The following ZNF763 variants were observed in gnomAD, a reference collection of about 807,000 sequenced individuals.
ZNF763 encodes the protein DNA-binding protein.
In ZNF763, 33 loss-of-function variants were observed where a neutral mutation model predicts 38.0. The ratio of observed to expected loss-of-function variants is 0.87; its 90% CI spans 0.66 to 1.16. The LOEUF is 1.16. Among genes scored for constraint, ZNF763 ranks in the 50% most tolerant of loss-of-function variants. The probability of loss-of-function intolerance (pLI) is 0.00; values close to 1 mark genes in which losing one functional copy is unlikely to be tolerated. For missense variants in ZNF763, 423 were observed against 469.1 expected (o/e 0.90, Z 0.91); for synonymous variants, 155 against 160.1 (o/e 0.97, Z 0.24).
rs758599967 is a variant in ZNF763 at position 11,978,835 on chromosome 19, G to T, written c.911G>T (p.Arg304Ile). The change falls in exon 4 of 4, where the codon AGA becomes ATA. Residue 304 changes from arginine (R) to isoleucine (I), a missense_variant. Physicochemically the swap from Arg to Ile is moderately conservative, Grantham distance 97 (BLOSUM62 -3). Transcript: ENST00000358987. ...SWCHSFQIHE[R>I]THTGEKPCEC... ...TGTCATTCCTTTCAAATACATGAAA[G>T]AACTCACACTGGGGAGAAGCCCTGT... The T allele has an allele frequency of 1.2e-6, 2 of 1,614,170 alleles. No individual in the cohort carries two copies. Among genetic ancestry groups the T allele is most frequent in the East Asian group, 2.2e-5 (1 of 44,872 alleles).
chr19:11,972,970 A>G (rs2145333374), intron 1 of ZNF763, among the ~76,000 whole-genome samples: 1 of 152,324 alleles, frequency 6.6e-6, no homozygotes, highest in African/African-American at 2.4e-5. Flanking sequence ...TGTGTGTAGT[A>G]TATCCCACAA....
In ZNF763 at chr19:11,980,047, C is replaced by T. The variant is rs1973587566; in HGVS notation, c.*938C>T. ...CTTTTCGATAACATGAAAGGACTCA[C>T]ACTGGAGAGAAACCCTATGAGTGTA... On this transcript the variant is annotated 3_prime_UTR_variant, in exon 4 of 4. Transcript: ENST00000358987. 3 of 1,096,584 alleles carry T rather than the reference C, an allele frequency of 2.7e-6. No homozygotes were observed. In the South Asian group the frequency reaches 3.7e-5, roughly 14 times the overall value. The allele number at this position is 1,096,584 out of a possible 1,614,324, so 67.9% of individuals were successfully genotyped here. A position where few individuals can be genotyped will look rare whatever the true frequency, so the allele number is the denominator to read the frequency against.
At chr19:11,974,075 T>TTC (rs1491556053) in intron 1 of ZNF763, among the ~76,000 whole-genome samples, 1 of 66,180 alleles carries the variant, frequency 1.5e-5, no homozygotes, top group Admixed American at 1.5e-4. Flanking sequence ...TTTCTTTTCT[T>TTC]TCTTTCTTTC....
Position 11,978,138 on chromosome 19 carries a change from A to G in ZNF763, c.214A>G (p.Asn72Asp). 6.2e-7 allele frequency: 1 copy of G among 1,613,236 alleles called. No homozygotes were observed. The highest frequency in any genetic ancestry group is 8.5e-7 in the Non-Finnish European group (1 of 1,179,850). The change falls in exon 4 of 4, where the codon AAT becomes GAT. Residue 72 changes from asparagine to aspartate, a missense_variant. Coordinates refer to ENST00000358987, the MANE Select transcript of ZNF763 (RefSeq NM_001367172.2). ...CAGGAGTCTCATAGAAGGGAATGTCAATGAAATTAAAGAAGACAGTCATTG... is the reference window on the plus strand; with the variant it reads ...CAGGAGTCTCATAGAAGGGAATGTCGATGAAATTAAAGAAGACAGTCATTG... ...NFRSLIEGNV[N>D]EIKEDSHCGE...
chr19:11,967,143 T>C (rs1307061928), intron 1 of ZNF763, among the ~76,000 whole-genome samples: 1 of 152,174 alleles, frequency 6.6e-6, no homozygotes, highest in African/African-American at 2.4e-5. Flanking sequence ...GAGACCACCC[T>C]GGGCAACATA....
rs192685400 is a variant in ZNF763, at chr19:11,978,566, A to G, written c.642A>G (p.Leu214=). The G allele has an allele frequency of 2.4e-5, 39 of 1,614,232 alleles. No homozygotes were observed. In the Admixed American group the frequency reaches 6.0e-4, roughly 25 times the overall value. The change falls in exon 4 of 4, where the codon TTA becomes TTG. Residue 214 remains leucine, a synonymous_variant. Transcript: ENST00000358987. ...FCGKAVHCLR[L]YLIHERTHTG... ...GGAAAGCTGTCCATTGTCTCAGATT[A>G]TATCTTATCCATGAAAGAACTCACA... is the stretch of plus-strand genomic sequence containing the variant.
Position 11,978,869 on chromosome 19 carries a change from C to T in ZNF763, c.945C>T (p.Ser315=). 6.2e-7 allele frequency: 1 copy of T among 1,613,734 alleles called. No individual in the cohort carries two copies. Among genetic ancestry groups the T allele is most frequent in the Non-Finnish European group, 8.5e-7 (1 of 1,179,924 alleles). ...THTGEKPCEC[S]KCNKAFRSYR... ...CTGGGGAGAAGCCCTGTGAATGTAG[C>T]AAATGTAATAAAGCATTCCGTAGTT... The change falls in exon 4 of 4, where the codon AGC becomes AGT. Residue 315 remains serine, a synonymous_variant. Transcript: ENST00000358987.
At chr19:11,974,775 G>A (rs991530172) in intron 1 of ZNF763, among the ~76,000 whole-genome samples, 3 of 151,950 alleles carry the variant, frequency 2.0e-5, no homozygotes, top group African/African-American at 7.3e-5. Flanking sequence ...GCTAATTTTT[G>A]TATTTTTAGT....
Position 11,979,270 on chromosome 19 carries a change from C to A in ZNF763, c.*161C>A. 2 of 1,613,062 alleles carry A rather than the reference C, an allele frequency of 1.2e-6. No homozygotes were observed. Among genetic ancestry groups the A allele is most frequent in the South Asian group, 1.1e-5 (1 of 91,030 alleles). On this transcript the variant is annotated 3_prime_UTR_variant, in exon 4 of 4. Transcript: ENST00000358987. The stretch of plus-strand genomic sequence containing the variant: ...TGAAAGGACTCACACTGGAGAGAAA[C>A]CCTATGAGTGTAAGCAATGTGGGAA...
intron 1 of ZNF763, among the ~76,000 whole-genome samples, chr19:11,968,681 T>G (rs893764795): frequency 1.2e-4 from 18 of 152,100 alleles, no homozygotes; most frequent in Non-Finnish European, 2.5e-4. Flanking sequence ...CATGGAGTCT[T>G]TGTGTGAGAA....
intron 1 of ZNF763, among the ~76,000 whole-genome samples, chr19:11,967,858 C>T (rs188467408): frequency 8.5e-4 from 130 of 152,324 alleles, no homozygotes; most frequent in African/African-American, 2.9e-3. Context: ...GCTGTGCCTA[C>T]GTGCATGTGG....
chr19:11,976,470 T>G (rs1973491580), intron 1 of ZNF763, among the ~76,000 whole-genome samples: 1 of 149,006 alleles, frequency 6.7e-6, no homozygotes, highest in Non-Finnish European at 1.5e-5. Context: ...TCATAAGAAT[T>G]GCATGAACTC....
chr19:11,971,581 A>G (rs995942171), intron 1 of ZNF763, among the ~76,000 whole-genome samples: 4 of 152,194 alleles, frequency 2.6e-5, no homozygotes, highest in African/African-American at 9.7e-5. Flanking sequence ...AATTTCATGG[A>G]ATAAAATATA....
At position 11,977,167 on chromosome 19, in the gene ZNF763, A is replaced by G. The variant is rs1973512417; in HGVS notation, c.130+3A>G. The G allele has an allele frequency of 2.5e-6, 4 of 1,613,852 alleles. No individual in the cohort carries two copies. The highest frequency in any genetic ancestry group is 1.6e-4 in the Middle Eastern group (1 of 6,084). On this transcript the variant is annotated splice_donor_region_variant and intron_variant, in intron 2 of 3. Transcript: ENST00000358987. ...TTTCAGGAACCTGACCTCTATAGGT[A>G]AGGATGACAATATTCCTTCCCTCAG...
At chr19:11,968,537 TG>T (rs1301449009) in intron 1 of ZNF763, among the ~76,000 whole-genome samples, 7 of 152,200 alleles carry the variant, frequency 4.6e-5, no homozygotes, top group Non-Finnish European at 1.5e-5. Context: ...CAAATGCATG[TG>T]GATAACAACT....
In ZNF763 at chr19:11,978,974, G is replaced by T; in HGVS notation, c.1050G>T (p.Thr350=). The change falls in exon 4 of 4, where the codon ACG becomes ACT. Residue 350 remains threonine (T), a synonymous_variant. Transcript: ENST00000358987. The part of the protein sequence containing the change: ...YQCKECRKAF[T]YPSSLRRHER... The stretch of plus-strand genomic sequence containing the variant: ...GTAAGGAATGTAGAAAAGCATTCAC[G>T]TATCCCAGTTCCCTTCGTAGACATG... 6.2e-7 allele frequency: 1 copy of T among 1,614,118 alleles called. No individual in the cohort carries two copies. Among genetic ancestry groups the T allele is most frequent in the Non-Finnish European group, 8.5e-7 (1 of 1,180,020 alleles).
chr19:11,974,071 TTCTTTCTTTCTTTC>T (rs1568308189), intron 1 of ZNF763, among the ~76,000 whole-genome samples: 1 of 61,146 alleles, frequency 1.6e-5, no homozygotes. Context: ...CTTCTTTCTT[TTCTTTCTTTCTTTC>T]TTTCTTTCTT....
chr19:11,967,580 T>G (rs1236013024), intron 1 of ZNF763, among the ~76,000 whole-genome samples: 1 of 152,160 alleles, frequency 6.6e-6, no homozygotes, highest in African/African-American at 2.4e-5. Flanking sequence ...ATTTTTTGTA[T>G]TTTTAGTAGA....
chr19:11,979,102 CCTT>C lies in ZNF763; in HGVS notation c.1179_1181del (p.Leu394del), dbSNP rs1973564821. The C allele has an allele frequency of 1.9e-6, 3 of 1,613,732 alleles. No individual in the cohort carries two copies. In the African/African-American group the frequency reaches 4.0e-5, roughly 22 times the overall value. On this transcript the variant is annotated inframe_deletion, in exon 4 of 4. Coordinates refer to ENST00000358987, the MANE Select transcript of ZNF763 (RefSeq NM_001367172.2). ...CCTAAGAATGCGCTCTGGAGAAAGACCTTATAAATGTTAGATATGTGGGAAAGG... is the reference window on the plus strand; with the variant it reads ...CCTAAGAATGCGCTCTGGAGAAAGACATAAATGTTAGATATGTGGGAAAGG...
Sources: allele counts gnomAD v4.1 joint callset (sites outside exome capture counted in the v4.1 genomes callset), GRCh38; gene constraint gnomAD v4.1.1; transcripts MANE v1.5; gene names NCBI Gene and HGNC (gene_info 2026-07-23, HGNC 2026-07-21).